DCAF1: variants seen among roughly 807,000 people sequenced by gnomAD.
DCAF1 encodes the protein DDB1 and CUL4 associated factor 1.
In DCAF1, 15 loss-of-function variants were observed where a neutral mutation model predicts 128.0. The observed-to-expected ratio is 0.12, with a 90% CI of 0.08 to 0.18. The LOEUF (loss-of-function observed/expected upper bound fraction) is 0.18, where lower values mean the gene tolerates loss of function less well. Ranked by LOEUF, DCAF1 falls within the 10% of genes least tolerant of loss-of-function variation. DCAF1 has a pLI of 1.00. For synonymous variants in DCAF1, 610 were observed against 603.0 expected, an observed-to-expected ratio of 1.01 and a Z score of -0.17; for missense variants, 988 against 1,649.5, an observed-to-expected ratio of 0.60 and a Z score of 6.95.
chr3:51,475,625 G>C (rs782277792), intron 3 of DCAF1, among the ~76,000 whole-genome samples: 24 of 152,226 alleles, frequency 1.6e-4, no homozygotes, highest in Non-Finnish European at 2.9e-4. Flanking sequence ...ACTTTGGGAG[G>C]CTGAGGTGGG....
At chr3:51,479,259 T>C (rs1553651795) in intron 3 of DCAF1, among the ~76,000 whole-genome samples, 1 of 151,106 alleles carries the variant, frequency 6.6e-6, no homozygotes, top group East Asian at 2.0e-4. Flanking sequence ...TCAGCACTTC[T>C]GGGAGGCCGA....
intron 16 of DCAF1, among the ~76,000 whole-genome samples, chr3:51,418,455 G>A (rs1553631228): frequency 6.6e-6 from 1 of 152,170 alleles, no homozygotes; most frequent in Non-Finnish European, 1.5e-5. Flanking sequence ...ATAGATAAAA[G>A]GGAGGGGGGA....
At chr3:51,470,810 T>C (rs1461522741) in intron 4 of DCAF1, 119 bp downstream of exon 4, 1 of 573,350 alleles carries the variant, frequency 1.7e-6, no homozygotes, top group African/African-American at 1.9e-5. Context: ...GCTATTTCAA[T>C]TCAAAAATTT....
intron 23 of DCAF1, among the ~76,000 whole-genome samples, chr3:51,409,948 T>C (rs1698250995): frequency 6.6e-6 from 1 of 152,184 alleles, no homozygotes; most frequent in South Asian, 2.1e-4. Context: ...ATGTCACAAA[T>C]AAATCAAAGA....
At chr3:51,484,742 GC>G (rs1393448165) in intron 2 of DCAF1, among the ~76,000 whole-genome samples, 1 of 148,292 alleles carries the variant, frequency 6.7e-6, no homozygotes, top group Non-Finnish European at 1.5e-5. Flanking sequence ...GAGTGCAATG[GC>G]ACAATCTCGG....
At position 51,430,132 on chromosome 3, in the gene DCAF1, T is replaced by C. The variant is rs782552667; in HGVS notation, c.1368A>G (p.Gly456=). 3 of 780,812 alleles carry C rather than the reference T, an allele frequency of 3.8e-6. No homozygotes were observed. The highest frequency in any genetic ancestry group is 4.8e-6 in the Non-Finnish European group (2 of 417,978). 48.4% of individuals were successfully genotyped at this position (780,812 alleles called of 1,614,324 possible). The change falls in exon 11 of 25, where the codon GGA becomes GGG. Residue 456 remains glycine, a synonymous_variant. Coordinates refer to ENST00000684031, the MANE Select transcript of DCAF1 (RefSeq NM_001387579.1). ...AAAAAAACATGGTAGCATGGCAGCA[T>C]CCTGAAGCATGAGAACACTCCATTA... is the stretch of plus-strand genomic sequence containing the variant. ...LWLMECSHAS[G]CCHATMFFSI... is the part of the protein sequence containing the mutation.
rs1699271556 is a variant in DCAF1, at chr3:51,420,203, C to G, written c.2767G>C (p.Ala923Pro). The change falls in exon 15 of 25, where the codon GCG (alanine) becomes CCG (proline). Residue 923 changes from alanine to proline, a missense_variant. Ala to Pro is a conservative substitution (Grantham distance 27). This residue lies in a region of DCAF1 where 88 missense variants were observed against 107.7 expected (regional missense o/e 0.82). Transcript: ENST00000684031. The surrounding 1 kb of genome is among the most constrained non-coding windows in gnomAD (Gnocchi z 6.5). ...GGATGAGCAGTAGGGGCAGAAGGCGCAGAGGCACCCACAGCAGCATGGCTG... is the reference window on the plus strand; with the variant it reads ...GGATGAGCAGTAGGGGCAGAAGGCGGAGAGGCACCCACAGCAGCATGGCTG... ...LGSHAAVGASAPSAPTAHPQP... is the reference protein window; with the variant it reads ...LGSHAAVGASPPSAPTAHPQP... 1 of 1,613,846 alleles carries G rather than the reference C, an allele frequency of 6.2e-7. No homozygotes were observed. The highest frequency in any genetic ancestry group is 8.5e-7 in the Non-Finnish European group (1 of 1,179,892).
chr3:51,422,901 A>T (rs1699539090), intron 13 of DCAF1, among the ~76,000 whole-genome samples: 1 of 149,984 alleles, frequency 6.7e-6, no homozygotes, highest in African/African-American at 2.5e-5. Context: ...TTTTTCTATA[A>T]AAAAAAAATA....
intron 2 of DCAF1, among the ~76,000 whole-genome samples, chr3:51,491,193 C>T (rs1355045304): frequency 1.2e-4 from 18 of 151,446 alleles, no homozygotes; most frequent in Admixed American, 1.1e-3. Flanking sequence ...AGTAAAAATA[C>T]AAAAATTAGC....
chr3:51,443,837 T>A lies in DCAF1; in HGVS notation c.442A>T (p.Thr148Ser). 6.2e-7 allele frequency: 1 copy of A among 1,612,760 alleles called. No individual in the cohort carries two copies. Among genetic ancestry groups the A allele is most frequent in the Non-Finnish European group, 8.5e-7 (1 of 1,179,656 alleles). ...TCCATAGCACCTCCTAACAGTCCAG[T>A]AGAATATGTCCTCAATGGTTGATCG... ...EADQPLRTYS[T>S]GLLGGAMENQ... The change falls in exon 7 of 25, where the codon ACT becomes TCT. Residue 148 changes from threonine (T) to serine (S), a missense_variant. Physicochemically the swap from Thr to Ser is moderately conservative, Grantham distance 58. Transcript: ENST00000684031.
intron 4 of DCAF1, among the ~76,000 whole-genome samples, chr3:51,468,330 C>T (rs1292624314): frequency 1.3e-5 from 2 of 152,136 alleles, no homozygotes; most frequent in Non-Finnish European, 2.9e-5. Flanking sequence ...TGCCACCACG[C>T]TCAGCTAATT....
upstream of DCAF1, among the ~76,000 whole-genome samples, chr3:51,500,347 C>T (rs905176655): frequency 1.3e-5 from 2 of 152,052 alleles, no homozygotes; most frequent in African/African-American, 4.8e-5. Context: ...GCCAATCCTT[C>T]TAAGACAGTA....
Position 51,472,402 on chromosome 3 carries a change from G to A in DCAF1, c.111-1397C>T, listed in dbSNP as rs143560872. On this transcript the variant is annotated intron_variant, in intron 3 of 24. Coordinates refer to ENST00000684031, the MANE Select transcript of DCAF1 (RefSeq NM_001387579.1). ...TTGTTTTTTTTCTTGTAGAGATGGG[G>A]TCTTGCTATGTTGCCCAGGCTGGAG... 5.3e-5 allele frequency among the ~76,000 whole-genome samples: 8 copies of A among 152,124 alleles called. No homozygotes were observed. The East Asian group carries it at 1.5e-3, about 29-fold the overall frequency.
At chr3:51,485,932 G>A (rs1553655256) in intron 2 of DCAF1, among the ~76,000 whole-genome samples, 5 of 147,852 alleles carry the variant, frequency 3.4e-5, no homozygotes, top group African/African-American at 2.5e-5. Context: ...TTGCTTTGTC[G>A]CCAGGCTGGA....
intron 8 of DCAF1, 137 bp downstream of exon 8, chr3:51,441,248 G>C: frequency 8.1e-7 from 1 of 1,240,614 alleles, no homozygotes; most frequent in African/African-American, 1.5e-5. Flanking sequence ...ACCTGCATAA[G>C]ACTTGAACAG....
At chr3:51,454,523 G>T (rs1192999940) in intron 6 of DCAF1, among the ~76,000 whole-genome samples, 1 of 151,906 alleles carries the variant, frequency 6.6e-6, no homozygotes, top group African/African-American at 2.4e-5. Flanking sequence ...CACCACACCC[G>T]GCTAATTTTT....
At chr3:51,484,650 A>G (rs145812680) in intron 2 of DCAF1, among the ~76,000 whole-genome samples, 5 of 151,978 alleles carry the variant, frequency 3.3e-5, no homozygotes, top group African/African-American at 1.2e-4. Flanking sequence ...TATCAAAGAT[A>G]AACAGCATGG....
intron 9 of DCAF1, among the ~76,000 whole-genome samples, chr3:51,436,134 C>A (rs1397407194): frequency 1.3e-5 from 2 of 152,184 alleles, no homozygotes; most frequent in African/African-American, 4.8e-5. Flanking sequence ...GTACTGAATT[C>A]CCTTCCCATC....
chr3:51,486,870 G>A (rs781962349), intron 2 of DCAF1, among the ~76,000 whole-genome samples: 5 of 152,046 alleles, frequency 3.3e-5, no homozygotes, highest in Non-Finnish European at 5.9e-5. Flanking sequence ...CTGACCTCAT[G>A]ATCCGCCTGC....
Sources: allele counts gnomAD v4.1 joint callset (sites outside exome capture counted in the v4.1 genomes callset), GRCh38; gene constraint gnomAD v4.1.1; regional missense constraint gnomAD v4.1.1; non-coding constraint Gnocchi (gnomAD v3.1); transcripts MANE v1.5; gene names NCBI Gene and HGNC (gene_info 2026-07-23, HGNC 2026-07-21).